UTRN: variants seen among roughly 807,000 people sequenced by gnomAD.
The protein encoded by UTRN is dystrophin-related protein 1.
Under a neutral mutation model 463.9 loss-of-function variants are expected in UTRN, and 283 were observed. The observed-to-expected ratio is 0.61, with a 90% confidence interval of 0.55 to 0.67. UTRN has a LOEUF of 0.67. UTRN is among the 30% of genes least tolerant of loss of function. The pLI, the probability that UTRN is intolerant of heterozygous loss-of-function variation, is 0.00. For synonymous variants in UTRN, 1,442 were observed against 1,431.5 expected, an observed-to-expected ratio of 1.01 and a Z score of -0.17; for missense variants, 3,922 against 4,084.3, an observed-to-expected ratio of 0.96 and a Z score of 1.08.
intron 59 of UTRN, 128 bp downstream of exon 59, chr6:144,772,096 T>TGC: frequency 1.8e-6 from 1 of 548,140 alleles, no homozygotes; most frequent in Non-Finnish European, 2.8e-6. Flanking sequence ...TGCAGTGGCA[T>TGC]GATCTCGGCT....
intron 69 of UTRN, among the ~76,000 whole-genome samples, chr6:144,832,454 A>C (rs1308394496): frequency 1.3e-5 from 2 of 152,250 alleles, no homozygotes; most frequent in Admixed American, 1.3e-4. Context: ...CAACAAAAAT[A>C]CATCTCAAAT....
At chr6:144,706,717 A>G (rs561738724) in intron 53 of UTRN, 4 of 152,326 alleles carry the variant, frequency 2.6e-5, no homozygotes, top group Admixed American at 1.3e-4. Context: ...AATTTTTTTT[A>G]CCTACCCAGA....
intron 6 of UTRN, among the ~76,000 whole-genome samples, chr6:144,425,653 T>C (rs1785233558): frequency 1.3e-5 from 2 of 152,202 alleles, no homozygotes; most frequent in Non-Finnish European, 2.9e-5. Context: ...TGTATCAGTA[T>C]AGATTCATGG....
At chr6:144,659,013 A>T (rs1323661414) in intron 51 of UTRN, among the ~76,000 whole-genome samples, 2 of 152,276 alleles carry the variant, frequency 1.3e-5, no homozygotes, top group Non-Finnish European at 2.9e-5. Flanking sequence ...AATGACTTTC[A>T]GCGGCATCAA....
chr6:144,675,011 G>A (rs949714529), intron 51 of UTRN, among the ~76,000 whole-genome samples: 2 of 152,216 alleles, frequency 1.3e-5, no homozygotes, highest in African/African-American at 4.8e-5. Context: ...GTGATCTTTT[G>A]AGTGTGTTAT....
Position 144,836,557 on chromosome 6 carries a change from T to G in UTRN, c.10065+16T>G. 6.2e-7 allele frequency: 1 copy of G among 1,611,866 alleles called. No homozygotes were observed. Among genetic ancestry groups the G allele is most frequent in the African/African-American group, 1.3e-5 (1 of 74,976 alleles). ...GCTGGAGCAGGTAGGGTGTGTAGAATTCAGCGTCACACCTCCCCAGGCCAT... is the reference window on the plus strand; with the variant it reads ...GCTGGAGCAGGTAGGGTGTGTAGAAGTCAGCGTCACACCTCCCCAGGCCAT... On this transcript the variant is annotated intron_variant, in intron 71 of 74. Coordinates refer to ENST00000367545, the MANE Select transcript of UTRN (RefSeq NM_007124.3).
chr6:144,483,428 A>C (rs2128574799), intron 27 of UTRN, among the ~76,000 whole-genome samples: 1 of 152,170 alleles, frequency 6.6e-6, no homozygotes, highest in South Asian at 2.1e-4. Context: ...GTGGCTGGAA[A>C]ATTATGGCTG....
At position 144,508,010 on chromosome 6, in the gene UTRN, A is replaced by G. The variant is rs1794832303; in HGVS notation, c.4765-2934A>G. ...GCTGTGGTGGGTTCTGCCCAGTTTG[A>G]ACTTCCTGGAGGCTTTGTTTACACT... On this transcript the variant is annotated intron_variant, in intron 34 of 74. Transcript: ENST00000367545. 1.3e-5 allele frequency among the ~76,000 whole-genome samples: 2 copies of G among 152,072 alleles called. 1 individual carries two copies. Among genetic ancestry groups the G allele is most frequent in the Non-Finnish European group, 2.9e-5 (2 of 68,000 alleles).
chr6:144,469,745 C>T lies in UTRN; in HGVS notation c.3067-3975C>T, dbSNP rs567492568. The stretch of plus-strand genomic sequence containing the variant: ...TTATTGATCATTTTTGGGTGTTTCT[C>T]GGAGAGGGGGATTTGGCAGGGTCAT... On this transcript the variant is annotated intron_variant, in intron 23 of 74. Transcript: ENST00000367545. 3.3e-3 allele frequency among the ~76,000 whole-genome samples: 443 copies of T among 133,144 alleles called. 2 individuals carry two copies. The highest frequency in any genetic ancestry group is 0.014 in the African/African-American group (430 of 30,474). The allele number at this position is 133,144 out of a possible 152,430, so 87.3% of individuals were successfully genotyped here.
chr6:144,723,025 A>G (rs560360102), intron 53 of UTRN, among the ~76,000 whole-genome samples: 28 of 152,348 alleles, frequency 1.8e-4, no homozygotes, highest in African/African-American at 5.8e-4. Context: ...ACACCCTTCA[A>G]TTCTAATGAC....
intron 10 of UTRN, among the ~76,000 whole-genome samples, chr6:144,437,278 C>T (rs1786657091): frequency 1.3e-5 from 2 of 152,138 alleles, no homozygotes; most frequent in Admixed American, 1.3e-4. Context: ...TTTAGAATTC[C>T]ATGTTCATGA....
At chr6:144,506,741 G>A (rs776704921) in intron 34 of UTRN, among the ~76,000 whole-genome samples, 1 of 152,002 alleles carries the variant, frequency 6.6e-6, no homozygotes, top group Non-Finnish European at 1.5e-5. Context: ...ATGTGTCTTG[G>A]GGTTGCTCTT....
At chr6:144,511,958 A>C (rs1433918392) in intron 35 of UTRN, among the ~76,000 whole-genome samples, 1 of 152,170 alleles carries the variant, frequency 6.6e-6, no homozygotes, top group African/African-American at 2.4e-5. Flanking sequence ...TAATGGATAG[A>C]GACATAAAAA....
At chr6:144,368,385 A>G (rs892649101) in intron 2 of UTRN, among the ~76,000 whole-genome samples, 3 of 152,230 alleles carry the variant, frequency 2.0e-5, no homozygotes, top group Admixed American at 2.0e-4. Context: ...GGACCAAATA[A>G]TTTGTTGGTA....
intron 39 of UTRN, among the ~76,000 whole-genome samples, chr6:144,517,398 A>G (rs1306708298): frequency 6.7e-6 from 1 of 149,130 alleles, no homozygotes; most frequent in Admixed American, 6.7e-5. Context: ...GGGTATCTCT[A>G]TGTTGCCCAG....
At chr6:144,777,037 T>C (rs979375174) in intron 60 of UTRN, among the ~76,000 whole-genome samples, 13 of 152,304 alleles carry the variant, frequency 8.5e-5, no homozygotes, top group African/African-American at 3.1e-4. Context: ...ATTTTTAATA[T>C]TCTGTTTATT....
intron 2 of UTRN, among the ~76,000 whole-genome samples, chr6:144,347,647 T>G (rs1297032527): frequency 6.6e-6 from 1 of 152,038 alleles, no homozygotes; most frequent in Non-Finnish European, 1.5e-5. Context: ...GTGGCTGATC[T>G]GGGGGAATGC....
chr6:144,413,190 A>G (rs551206179), intron 3 of UTRN, among the ~76,000 whole-genome samples: 3 of 152,348 alleles, frequency 2.0e-5, no homozygotes, highest in African/African-American at 7.2e-5. Context: ...TTACTCATTG[A>G]TGGACCACAT....
At chr6:144,296,454 C>A (rs555819532) in intron 2 of UTRN, among the ~76,000 whole-genome samples, 42 of 152,316 alleles carry the variant, frequency 2.8e-4, no homozygotes, top group African/African-American at 1.0e-3. Context: ...CTGGGGACTG[C>A]TGCACTTTAA....
Sources: gnomAD v4.1 joint callset for allele counts (sites outside exome capture counted in the v4.1 genomes callset) on GRCh38, gnomAD v4.1.1 for gene constraint, MANE v1.5 for transcripts, NCBI Gene and HGNC (gene_info 2026-07-23, HGNC 2026-07-21) for gene names.